PEPD: variants seen among roughly 807,000 people sequenced by gnomAD.
PEPD encodes the protein xaa-Pro dipeptidase.
A neutral mutation model predicts 60.7 loss-of-function variants in PEPD; 53 were observed. The ratio of observed to expected loss-of-function variants is 0.87; its 90% CI spans 0.70 to 1.10. PEPD has a LOEUF of 1.10. Ranked by LOEUF, PEPD falls within the 50% of genes least tolerant of loss-of-function variation. The pLI is 0.00. For missense variants in PEPD, 711 were observed against 711.9 expected, an observed-to-expected ratio of 1.00 and a Z score of 0.01; for synonymous variants, 267 against 284.1, an observed-to-expected ratio of 0.94 and a Z score of 0.60.
intron 3 of PEPD, among the ~76,000 whole-genome samples, chr19:33,505,237 C>T (rs1279155864): frequency 6.6e-6 from 1 of 152,112 alleles, no homozygotes; most frequent in Non-Finnish European, 1.5e-5. Flanking sequence ...AATGCTGCCT[C>T]GCCGACTCTC....
At chr19:33,453,608 C>T (rs922895536) in intron 9 of PEPD, among the ~76,000 whole-genome samples, 4 of 152,158 alleles carry the variant, frequency 2.6e-5, no homozygotes, top group African/African-American at 4.8e-5. Context: ...TGTTATTGCA[C>T]TCTTAAGAGA....
At chr19:33,425,321 C>CAAAG (rs1465907702) in intron 9 of PEPD, among the ~76,000 whole-genome samples, 1 of 151,874 alleles carries the variant, frequency 6.6e-6, no homozygotes, top group African/African-American at 2.4e-5. Flanking sequence ...AACAAACAAA[C>CAAAG]AAAAAGGCTT....
chr19:33,436,152 T>TGGAGGAAGAGGAAGGAGAG (rs1233739492), intron 9 of PEPD, among the ~76,000 whole-genome samples: 1 of 139,602 alleles, frequency 7.2e-6, no homozygotes, highest in Non-Finnish European at 1.5e-5. Flanking sequence ...AGAAGGAAGA[T>TGGAGGAAGAGGAAGGAGAG]GGAGGAAGAG....
At chr19:33,455,225 C>T (rs968026909) in intron 9 of PEPD, among the ~76,000 whole-genome samples, 2 of 152,178 alleles carry the variant, frequency 1.3e-5, no homozygotes, top group Admixed American at 6.5e-5. Flanking sequence ...ATGTTAATAA[C>T]TTTACTAATA....
intron 11 of PEPD, among the ~76,000 whole-genome samples, chr19:33,406,735 T>C (rs1330688151): frequency 1.3e-5 from 2 of 151,896 alleles, no homozygotes; most frequent in South Asian, 2.1e-4. Context: ...ACAGCAGGAG[T>C]AGGCTGGCCG....
chr19:33,506,157 CCCA>C (rs915995525), intron 3 of PEPD, among the ~76,000 whole-genome samples: 2 of 143,902 alleles, frequency 1.4e-5, no homozygotes, highest in Admixed American at 6.9e-5. Flanking sequence ...CACATTCACA[CCCA>C]CCACACCCTA....
intron 1 of PEPD, among the ~76,000 whole-genome samples, chr19:33,515,326 G>A (rs912949841): frequency 6.6e-6 from 1 of 152,074 alleles, no homozygotes; most frequent in African/African-American, 2.4e-5. Context: ...AGCCCCGCCC[G>A]CTCCCCCACG....
chr19:33,459,205 C>T lies in PEPD; in HGVS notation c.671+3790G>A, dbSNP rs184008337. 2.2e-3 allele frequency among the ~76,000 whole-genome samples: 331 copies of T among 152,240 alleles called. 1 individual carries two copies. The highest frequency in any genetic ancestry group is 0.02 in the South Asian group (96 of 4,824). ...CCACCACACGGTACCCGTCACACTACACAGATCCTCTCCCTTTCCCATGAT... is the reference window on the plus strand; with the variant it reads ...CCACCACACGGTACCCGTCACACTATACAGATCCTCTCCCTTTCCCATGAT... On this transcript the variant is annotated intron_variant, in intron 9 of 14. Coordinates refer to ENST00000244137, the MANE Select transcript of PEPD (RefSeq NM_000285.4).
chr19:33,435,163 G>A (rs2145402343), intron 9 of PEPD, among the ~76,000 whole-genome samples: 1 of 152,278 alleles, frequency 6.6e-6, no homozygotes, highest in Non-Finnish European at 1.5e-5. Context: ...GCAAAGGCCT[G>A]GCCACCCGCG....
chr19:33,463,066 A>G, intron 8 of PEPD, 25 bp from the exon 9 acceptor site: 1 of 1,443,778 alleles, frequency 6.9e-7, no homozygotes, highest in Non-Finnish European at 9.8e-7. Context: ...TTAAGCAAAG[A>G]CATTTGTATT....
intron 3 of PEPD, among the ~76,000 whole-genome samples, chr19:33,506,340 A>G (rs1600171170): frequency 7.1e-6 from 1 of 140,472 alleles, no homozygotes; most frequent in East Asian, 2.2e-4. Context: ...ACACCCACAC[A>G]CAACACAGGA....
chr19:33,456,365 C>T (rs1392299392), intron 9 of PEPD, among the ~76,000 whole-genome samples: 2 of 152,186 alleles, frequency 1.3e-5, no homozygotes, highest in African/African-American at 4.8e-5. Flanking sequence ...GGGAAGGGCT[C>T]AGCTTAAATC....
intron 1 of PEPD, among the ~76,000 whole-genome samples, chr19:33,517,035 G>T (rs1374155806): frequency 6.6e-6 from 1 of 151,880 alleles, no homozygotes; most frequent in East Asian, 1.9e-4. Context: ...ACAAAAATTA[G>T]TCAGGAATGG....
intron 14 of PEPD, 122 bp from the exon 15 acceptor site, chr19:33,387,603 G>A (rs573755608): frequency 3.9e-5 from 52 of 1,320,002 alleles, no homozygotes; most frequent in South Asian, 3.2e-4. Flanking sequence ...CCTGGGAGAC[G>A]GGTGGCCTCC....
intron 14 of PEPD, 92 bp from the exon 15 acceptor site, chr19:33,387,573 G>T (rs1462261125): frequency 2.6e-6 from 4 of 1,530,632 alleles, no homozygotes; most frequent in Non-Finnish European, 3.6e-6. Context: ...CCCACCATGG[G>T]ATGGGAGCAG....
intron 3 of PEPD, among the ~76,000 whole-genome samples, chr19:33,503,949 C>T (rs902933242): frequency 2.6e-5 from 4 of 152,120 alleles, no homozygotes; most frequent in African/African-American, 4.8e-5. Context: ...CCCAACTGTG[C>T]GGAGGGAAGC....
chr19:33,419,597 C>G (rs114171725), intron 9 of PEPD, among the ~76,000 whole-genome samples: 1 of 152,186 alleles, frequency 6.6e-6, no homozygotes, highest in Non-Finnish European at 1.5e-5. Context: ...CCTCTGAAAC[C>G]TCAGGTCTGT....
intron 9 of PEPD, among the ~76,000 whole-genome samples, chr19:33,444,889 A>G (rs1233003424): frequency 7.1e-6 from 1 of 140,634 alleles, no homozygotes; most frequent in Non-Finnish European, 1.6e-5. Context: ...ATTTTCCTGG[A>G]CAACATTTTA....
intron 9 of PEPD, among the ~76,000 whole-genome samples, chr19:33,425,317 C>CAA (rs1969120499): frequency 6.6e-6 from 1 of 151,822 alleles, no homozygotes; most frequent in African/African-American, 2.4e-5. Context: ...AACAAACAAA[C>CAA]AAACAAAAAG....
Sources: allele counts gnomAD v4.1 joint callset (sites outside exome capture counted in the v4.1 genomes callset), GRCh38; gene constraint gnomAD v4.1.1; transcripts MANE v1.5; gene names NCBI Gene and HGNC (gene_info 2026-07-23, HGNC 2026-07-21).